NRG1: variants seen among roughly 807,000 people sequenced by gnomAD.
NRG1 encodes neuregulin 1.
NRG1 carries 18 observed loss-of-function variants against 63.8 expected under a neutral mutation model. The observed-to-expected ratio is 0.28, with a 90% CI of 0.19 to 0.42. NRG1 has a LOEUF of 0.42. Among genes scored for constraint, NRG1 ranks in the 10% least tolerant of loss-of-function variants. NRG1 has a pLI of 1.00. For synonymous variants in NRG1, 302 were observed against 301.3 expected (o/e 1.00, Z -0.02); for missense variants, 762 against 814.7 (o/e 0.94, Z 0.79).
intron 1 of NRG1, among the ~76,000 whole-genome samples, chr8:31,840,229 C>T (rs1046443190): frequency 2.6e-5 from 4 of 152,054 alleles, no homozygotes; most frequent in Middle Eastern, 3.2e-3. Context: ...ACAAAGCCAG[C>T]CAGTCTACCT....
At chr8:32,440,198 A>T (rs1819359210) in intron 1 of NRG1, among the ~76,000 whole-genome samples, 1 of 152,164 alleles carries the variant, frequency 6.6e-6, no homozygotes, top group African/African-American at 2.4e-5. Context: ...GCAAGGGGGA[A>T]GTCTGCCCCC....
rs138118210 is a variant in NRG1, at chr8:32,523,238, T to C, written c.38-72590T>C. ...TCTATTTGATGCCAGATTTTCTACA[T>C]GTACTTCAACCAAAACAACATATTG... On this transcript the variant is annotated intron_variant, in intron 1 of 10. Transcript: ENST00000519301. Among the ~76,000 whole-genome samples, 33 of 152,322 alleles carry C rather than the reference T, an allele frequency of 2.2e-4. No individual in the cohort carries two copies. In the East Asian group the frequency reaches 5.6e-3, roughly 26 times the overall value.
intron 5 of NRG1, among the ~76,000 whole-genome samples, chr8:32,682,226 T>C (rs1052933411): frequency 6.6e-6 from 1 of 152,316 alleles, no homozygotes; most frequent in Admixed American, 6.5e-5. Context: ...TTTATAGTTA[T>C]TATGCTATTA....
At chr8:32,249,035 GAA>G (rs1469671437) in intron 1 of NRG1, among the ~76,000 whole-genome samples, 1 of 152,034 alleles carries the variant, frequency 6.6e-6, no homozygotes, top group East Asian at 1.9e-4. Flanking sequence ...GGGAATTTGG[GAA>G]ATATTTGGTT....
At chr8:32,729,144 G>A (rs957450342) in intron 6 of NRG1, among the ~76,000 whole-genome samples, 17 of 152,072 alleles carry the variant, frequency 1.1e-4, no homozygotes, top group Non-Finnish European at 2.1e-4. Context: ...GATAGTGATA[G>A]TATCAGTACA....
chr8:31,898,614 G>A (rs1468552006), intron 1 of NRG1, among the ~76,000 whole-genome samples: 1 of 152,180 alleles, frequency 6.6e-6, no homozygotes, highest in African/African-American at 2.4e-5. Flanking sequence ...TGAGGTAGGA[G>A]AATCACTTGA....
At chr8:31,770,303 A>G (rs377293343) in intron 1 of NRG1, among the ~76,000 whole-genome samples, 1 of 152,204 alleles carries the variant, frequency 6.6e-6, no homozygotes, top group Non-Finnish European at 1.5e-5. Context: ...ATTCAAAAAT[A>G]TTTGTAGCAG....
intron 1 of NRG1, among the ~76,000 whole-genome samples, chr8:32,565,764 G>A (rs894372319): frequency 1.3e-5 from 2 of 152,098 alleles, no homozygotes; most frequent in Non-Finnish European, 2.9e-5. Context: ...CATAATTTCT[G>A]TGTGGTAATT....
At chr8:32,174,023 T>G (rs894491621) in intron 1 of NRG1, among the ~76,000 whole-genome samples, 1 of 152,052 alleles carries the variant, frequency 6.6e-6, no homozygotes, top group Non-Finnish European at 1.5e-5. Context: ...CCACCCCAAA[T>G]CAACAGAATA....
chr8:32,057,175 A>G (rs946678141), intron 1 of NRG1, among the ~76,000 whole-genome samples: 1 of 152,182 alleles, frequency 6.6e-6, no homozygotes, highest in African/African-American at 2.4e-5. Flanking sequence ...CTAATCCAAT[A>G]TGGCAAGCAC....
intron 1 of NRG1, among the ~76,000 whole-genome samples, chr8:32,120,377 G>T (rs935410062): frequency 1.3e-5 from 2 of 152,012 alleles, no homozygotes; most frequent in Non-Finnish European, 2.9e-5. Context: ...TATCATCTAT[G>T]TGAGACTCAA....
At chr8:32,127,878 T>C (rs1379878506) in intron 1 of NRG1, among the ~76,000 whole-genome samples, 1 of 151,918 alleles carries the variant, frequency 6.6e-6, no homozygotes, top group Non-Finnish European at 1.5e-5. Context: ...TGTGCCATGG[T>C]AACACATAAC....
In NRG1 at chr8:31,940,532, A is replaced by G. The variant is rs570659512; in HGVS notation, c.37+301101A>G. Among the ~76,000 whole-genome samples the G allele has an allele frequency of 5.4e-4, 82 of 152,312 alleles. 3 individuals are homozygous for G. In the South Asian group the frequency reaches 0.016, roughly 30 times the overall value. Reference sequence around the variant, plus strand: ...ACAAACCAAACTGAAACCCGGCAGAAGAAAAGAAATAACGAGGATCAGAGC... The same window carrying G: ...ACAAACCAAACTGAAACCCGGCAGAGGAAAAGAAATAACGAGGATCAGAGC... On this transcript the variant is annotated intron_variant, in intron 1 of 10. Coordinates refer to the NRG1 transcript ENST00000519301.
At chr8:31,854,866 T>G (rs980555330) in intron 1 of NRG1, among the ~76,000 whole-genome samples, 2 of 152,234 alleles carry the variant, frequency 1.3e-5, no homozygotes, top group Non-Finnish European at 1.5e-5. Flanking sequence ...CGTTTCGTTA[T>G]GTACCCAGTA....
chr8:31,640,386 C>G lies in NRG1; in HGVS notation c.37+955C>G. 2.3e-6 allele frequency: 3 copies of G among 1,306,588 alleles called. No individual in the cohort carries two copies. Among genetic ancestry groups the G allele is most frequent in the Non-Finnish European group, 2.0e-6 (2 of 1,024,150 alleles). The allele number at this position is 1,306,588 out of a possible 1,614,324, so 80.9% of individuals were successfully genotyped here. ...GGCCGCCCGCCGAGGAGCCGCTGCT[C>G]GCCGCCAACGGGACCGTGCCCTCTT... On this transcript the variant is annotated intron_variant, in intron 1 of 10. Transcript: ENST00000519301. The surrounding 1 kb of genome is among the most constrained non-coding windows in gnomAD (Gnocchi z 6.3).
chr8:32,099,566 T>G (rs888570864), intron 1 of NRG1: 2 of 152,178 alleles, frequency 1.3e-5, no homozygotes, highest in Non-Finnish European at 2.9e-5. Context: ...CAAGAAGGAC[T>G]TAAGAAGAAT....
chr8:32,478,393 A>G (rs2129492423), intron 1 of NRG1, among the ~76,000 whole-genome samples: 1 of 152,280 alleles, frequency 6.6e-6, no homozygotes, highest in Admixed American at 6.5e-5. Flanking sequence ...CCTACATTCA[A>G]ATGTTTTGGG....
chr8:32,222,048 C>T (rs1845875223), intron 1 of NRG1, among the ~76,000 whole-genome samples: 1 of 151,936 alleles, frequency 6.6e-6, no homozygotes, highest in Non-Finnish European at 1.5e-5. Flanking sequence ...CACACACACA[C>T]ACACACACAC....
At chr8:31,695,403 T>C (rs1248522706) in intron 1 of NRG1, among the ~76,000 whole-genome samples, 1 of 152,178 alleles carries the variant, frequency 6.6e-6, no homozygotes, top group Non-Finnish European at 1.5e-5. Flanking sequence ...CTCCTGGCCT[T>C]AAGTGATCTG....
Sources: allele counts gnomAD v4.1 joint callset (sites outside exome capture counted in the v4.1 genomes callset), GRCh38; gene constraint gnomAD v4.1.1; non-coding constraint Gnocchi (gnomAD v3.1); transcripts MANE v1.5; gene names NCBI Gene and HGNC (gene_info 2026-07-23, HGNC 2026-07-21).